LRRC1: variants seen among roughly 807,000 people sequenced by gnomAD.
The protein encoded by LRRC1 is leucine-rich repeat-containing protein 1.
LRRC1 carries 28 observed loss-of-function variants against 69.9 expected under a neutral mutation model. The observed-to-expected ratio is 0.40, with a 90% CI of 0.30 to 0.55. The LOEUF (loss-of-function observed/expected upper bound fraction) is 0.55, where lower values mean the gene tolerates loss of function less well. Ranked by LOEUF, LRRC1 falls within the 20% of genes least tolerant of loss-of-function variation. LRRC1 has a pLI of 0.47. For missense variants in LRRC1, 498 were observed against 609.0 expected (o/e 0.82, Z 1.92); for synonymous variants, 236 against 240.2 (o/e 0.98, Z 0.16).
chr6:53,892,863 G>A (rs991483863), intron 4 of LRRC1, among the ~76,000 whole-genome samples: 1 of 152,228 alleles, frequency 6.6e-6, no homozygotes, highest in East Asian at 1.9e-4. Flanking sequence ...GAATCACTTA[G>A]TGATACTTGG....
At chr6:53,857,144 T>TA (rs1342509686) in intron 2 of LRRC1, among the ~76,000 whole-genome samples, 3 of 152,082 alleles carry the variant, frequency 2.0e-5, no homozygotes, top group Non-Finnish European at 2.9e-5. Flanking sequence ...TAATAGGAGA[T>TA]ACAGGTTTGA....
intron 1 of LRRC1, among the ~76,000 whole-genome samples, chr6:53,810,308 T>C (rs1007070611): frequency 2.0e-5 from 3 of 152,228 alleles, no homozygotes; most frequent in African/African-American, 7.2e-5. Context: ...GGAATGATTC[T>C]GTTTCAAAGT....
chr6:53,857,786 T>G (rs939821049), intron 2 of LRRC1, among the ~76,000 whole-genome samples: 5 of 152,192 alleles, frequency 3.3e-5, no homozygotes, highest in African/African-American at 1.2e-4. Context: ...CTTTTTCCCT[T>G]GACTGTTTTT....
chr6:53,918,328 A>G (rs1219266613), intron 11 of LRRC1, among the ~76,000 whole-genome samples: 3 of 152,216 alleles, frequency 2.0e-5, no homozygotes, highest in African/African-American at 4.8e-5. Context: ...TACTGGACTA[A>G]TTGTTAAGGA....
chr6:53,871,080 A>G (rs1441984841), intron 2 of LRRC1, among the ~76,000 whole-genome samples: 2 of 152,218 alleles, frequency 1.3e-5, no homozygotes, highest in Non-Finnish European at 2.9e-5. Flanking sequence ...ACTCTTGTGA[A>G]TAATGCTGTG....
intron 3 of LRRC1, among the ~76,000 whole-genome samples, chr6:53,879,576 G>T (rs1456299997): frequency 1.3e-5 from 2 of 151,804 alleles, no homozygotes; most frequent in Non-Finnish European, 2.9e-5. Context: ...GAGCCACCTC[G>T]CCCAGCCATA....
intron 1 of LRRC1, among the ~76,000 whole-genome samples, chr6:53,829,009 C>G (rs1330947434): frequency 6.6e-6 from 1 of 152,194 alleles, no homozygotes; most frequent in Non-Finnish European, 1.5e-5. Context: ...AAGCATTTCT[C>G]ATATGCCACA....
At position 53,884,028 on chromosome 6, in the gene LRRC1, A is replaced by T. The variant is rs1767386656; in HGVS notation, c.446+1052A>T. 4 of 717,336 alleles carry T rather than the reference A, an allele frequency of 5.6e-6. No homozygotes were observed. In the East Asian group the frequency reaches 1.1e-4, roughly 19 times the overall value. 44.4% of individuals were successfully genotyped at this position (717,336 alleles called of 1,614,324 possible). On this transcript the variant is annotated intron_variant, in intron 4 of 13. Coordinates refer to ENST00000370888, the MANE Select transcript of LRRC1 (RefSeq NM_018214.5). ...AAATGTACACTGATGTTTTATCTTT[A>T]TGCCATTAGACTTGCTAATTAAAAA...
In LRRC1 at chr6:53,897,397, A is replaced by T. The variant is rs770458555; in HGVS notation, c.642+38A>T. 7.2e-6 allele frequency: 10 copies of T among 1,390,132 alleles called. No individual in the cohort carries two copies. The South Asian group carries it at 1.2e-4, about 17-fold the overall frequency. The allele number at this position is 1,390,132 out of a possible 1,614,324, so 86.1% of individuals were successfully genotyped here. ...TTCACAGTGTCTCCCCAAAACATAA[A>T]ACAGCAACAATAAGCTTTGTGTATT... On this transcript the variant is annotated intron_variant, in intron 7 of 13. Coordinates refer to ENST00000370888, the MANE Select transcript of LRRC1 (RefSeq NM_018214.5).
intron 2 of LRRC1, among the ~76,000 whole-genome samples, chr6:53,848,834 G>A (rs1189119831): frequency 2.0e-5 from 3 of 151,534 alleles, no homozygotes; most frequent in Non-Finnish European, 4.4e-5. Context: ...CTTGGCTCAC[G>A]GCAACCTCTG....
intron 1 of LRRC1, 113 bp downstream of exon 1, chr6:53,795,528 T>C: frequency 9.9e-7 from 1 of 1,009,652 alleles, no homozygotes; most frequent in South Asian, 1.7e-5. Flanking sequence ...GAACCTTCCC[T>C]CTTTTATGCA....
chr6:53,889,701 T>C lies in LRRC1; in HGVS notation c.446+6725T>C, dbSNP rs537138244. ...TTCGGTATGATGAAAATTTTCTAGA[T>C]TAGATAGTGGTGATGTTTCTATACC... On this transcript the variant is annotated intron_variant, in intron 4 of 13. Coordinates refer to ENST00000370888, the MANE Select transcript of LRRC1 (RefSeq NM_018214.5). 1.2e-4 allele frequency among the ~76,000 whole-genome samples: 19 copies of C among 152,238 alleles called. No homozygotes were observed. The East Asian group carries it at 3.5e-3, about 28-fold the overall frequency.
At chr6:53,871,909 C>T (rs1158943087) in intron 2 of LRRC1, among the ~76,000 whole-genome samples, 1 of 152,122 alleles carries the variant, frequency 6.6e-6, no homozygotes, top group African/African-American at 2.4e-5. Flanking sequence ...CTCAGGTGAT[C>T]GGCCCGCCTT....
chr6:53,882,534 G>A (rs931701503), intron 3 of LRRC1, among the ~76,000 whole-genome samples: 2 of 151,982 alleles, frequency 1.3e-5, no homozygotes, highest in Non-Finnish European at 2.9e-5. Context: ...TTACTCTTAG[G>A]CACTTTTAGC....
chr6:53,919,376 C>T, intron 11 of LRRC1, 122 bp from the exon 12 acceptor site: 1 of 791,462 alleles, frequency 1.3e-6, no homozygotes, highest in South Asian at 2.2e-5. Context: ...ACCGTTTTTA[C>T]ATTTTGAAAC....
rs1290597426 is a variant in LRRC1, at chr6:53,922,843, G to A, written c.*50G>A. 1.0e-5 allele frequency: 16 copies of A among 1,567,134 alleles called. No homozygotes were observed. The highest frequency in any genetic ancestry group is 4.1e-5 in the African/African-American group (3 of 74,012). On this transcript the variant is annotated 3_prime_UTR_variant, in exon 14 of 14. Coordinates refer to ENST00000370888, the MANE Select transcript of LRRC1 (RefSeq NM_018214.5). ...CTGTGTCTTCCTCTGCTGTCGAGAC[G>A]TTCCTGTCTGCTTCCCGGGAGCCTC...
At chr6:53,805,847 G>C (rs3000999) in intron 1 of LRRC1, among the ~76,000 whole-genome samples, 4 of 152,070 alleles carry the variant, frequency 2.6e-5, no homozygotes, top group Non-Finnish European at 5.9e-5. Flanking sequence ...CTAAGACACA[G>C]ATGTGACAGT....
At chr6:53,843,065 G>A (rs1014673473) in intron 2 of LRRC1, among the ~76,000 whole-genome samples, 7 of 152,210 alleles carry the variant, frequency 4.6e-5, no homozygotes, top group Admixed American at 6.5e-5. Flanking sequence ...TTAAATTAAC[G>A]TAGCAACTCC....
intron 1 of LRRC1, among the ~76,000 whole-genome samples, chr6:53,818,155 T>C (rs983133284): frequency 1.3e-5 from 2 of 152,204 alleles, no homozygotes; most frequent in African/African-American, 4.8e-5. Flanking sequence ...CCAGAAATAA[T>C]CTATATTAAT....
Sources: gnomAD v4.1 joint callset for allele counts (sites outside exome capture counted in the v4.1 genomes callset) on GRCh38, gnomAD v4.1.1 for gene constraint, MANE v1.5 for transcripts, NCBI Gene and HGNC (gene_info 2026-07-23, HGNC 2026-07-21) for gene names.